TEX14: variants seen among roughly 807,000 people sequenced by gnomAD.
TEX14 encodes the protein inactive serine/threonine-protein kinase TEX14.
In TEX14, 168 loss-of-function variants were observed where a neutral mutation model predicts 178.6. The ratio of observed to expected loss-of-function variants is 0.94; its 90% confidence interval spans 0.83 to 1.07. The LOEUF is 1.07. Ranked by LOEUF, TEX14 falls within the 50% of genes least tolerant of loss-of-function variation. The probability of loss-of-function intolerance (pLI) is 0.00; values close to 1 mark genes in which losing one functional copy is unlikely to be tolerated. For missense variants in TEX14, 1,730 were observed against 1,753.6 expected (o/e 0.99, Z 0.24); for synonymous variants, 626 against 634.1 (o/e 0.99, Z 0.19).
At chr17:58,594,093 A>C (rs1377549199) in intron 14 of TEX14, among the ~76,000 whole-genome samples, 3 of 152,078 alleles carry the variant, frequency 2.0e-5, no homozygotes, top group Non-Finnish European at 2.9e-5. Flanking sequence ...TCGGCCTCCC[A>C]AAGTGCTGGG....
intron 28 of TEX14, among the ~76,000 whole-genome samples, chr17:58,562,888 A>G (rs1384547206): frequency 6.8e-6 from 1 of 146,998 alleles, no homozygotes; most frequent in East Asian, 2.3e-4. Flanking sequence ...TCTGGGCAAC[A>G]TGGCAAAACC....
chr17:58,679,972 C>T (rs1358124542), intron 1 of TEX14, among the ~76,000 whole-genome samples: 5 of 152,166 alleles, frequency 3.3e-5, no homozygotes, highest in East Asian at 3.9e-4. Context: ...CTTGGTGACA[C>T]GACTGAAATA....
intron 6 of TEX14, 87 bp downstream of exon 6, chr17:58,617,451 G>A: frequency 6.5e-6 from 6 of 918,364 alleles, no homozygotes; most frequent in South Asian, 5.8e-5. Flanking sequence ...AGGATAAGGA[G>A]GCAGGAGTTG....
chr17:58,647,205 C>A (rs114183003), intron 2 of TEX14, among the ~76,000 whole-genome samples: 1 of 151,652 alleles, frequency 6.6e-6, no homozygotes, highest in Non-Finnish European at 1.5e-5. Context: ...CAGCCTGGAA[C>A]GGCACAATTA....
intron 28 of TEX14, among the ~76,000 whole-genome samples, 158 bp downstream of exon 28, chr17:58,564,711 G>A (rs1188626351): frequency 5.3e-5 from 8 of 151,926 alleles, no homozygotes; most frequent in Admixed American, 3.9e-4. Flanking sequence ...AAAAAGCAAC[G>A]CTTTTTAAAA....
At chr17:58,658,849 C>T (rs2047024732) in intron 1 of TEX14, among the ~76,000 whole-genome samples, 1 of 151,874 alleles carries the variant, frequency 6.6e-6, no homozygotes, top group African/African-American at 2.4e-5. Context: ...ATCGCTCAGA[C>T]AGGAGTGCAG....
intron 21 of TEX14, among the ~76,000 whole-genome samples, chr17:58,574,930 T>C (rs1212735773): frequency 6.6e-6 from 1 of 152,094 alleles, no homozygotes. Flanking sequence ...CCTCAGCACC[T>C]GTAAGAAGCT....
At chr17:58,666,458 C>CAAACAAAAAAAAA (rs1555583923) in intron 1 of TEX14, 13 of 36,832 alleles carry the variant, frequency 3.5e-4, no homozygotes, top group South Asian at 2.2e-3. Flanking sequence ...CCTTCCACGG[C>CAAACAAAAAAAAA]AAAAAAAAAA....
chr17:58,630,409 A>G (rs756322321), intron 3 of TEX14, 31 bp downstream of exon 3: 10 of 1,503,028 alleles, frequency 6.7e-6, no homozygotes, highest in South Asian at 2.3e-5. Context: ...CACAACCCCT[A>G]TTTTCTAGAC....
At chr17:58,625,173 C>T (rs1053537038) in intron 3 of TEX14, among the ~76,000 whole-genome samples, 5 of 151,976 alleles carry the variant, frequency 3.3e-5, no homozygotes, top group Non-Finnish European at 7.4e-5. Context: ...GCTCTTGTCC[C>T]CCAGGCTGCA....
chr17:58,601,013 C>A (rs775185984), intron 13 of TEX14, among the ~76,000 whole-genome samples: 1 of 151,810 alleles, frequency 6.6e-6, no homozygotes, highest in Non-Finnish European at 1.5e-5. Flanking sequence ...CTTTGGGAGG[C>A]GAAAGTGGGA....
rs912857462 is a variant in TEX14, at chr17:58,659,376, T to C, written c.-1-7374A>G. 5.0e-5 allele frequency: 49 copies of C among 978,674 alleles called. No individual in the cohort carries two copies. The African/African-American group carries it at 8.6e-4, about 17-fold the overall frequency. 60.6% of individuals were successfully genotyped at this position (978,674 alleles called of 1,614,324 possible). A position where few individuals can be genotyped will look rare whatever the true frequency, so the allele number is the denominator to read the frequency against. ...AACATACTCATGGCAAATTGTATTATGAGTTGTTTTTAGGCATCGCTTCGA... is the reference window on the plus strand; with the variant it reads ...AACATACTCATGGCAAATTGTATTACGAGTTGTTTTTAGGCATCGCTTCGA... On this transcript the variant is annotated intron_variant, in intron 1 of 31. Coordinates refer to ENST00000349033, the MANE Select transcript of TEX14 (RefSeq NM_031272.5).
At chr17:58,665,749 GA>G (rs535664133) in intron 1 of TEX14, among the ~76,000 whole-genome samples, 124 of 145,280 alleles carry the variant, frequency 8.5e-4, no homozygotes, top group Middle Eastern at 3.6e-3. Context: ...AAGAAACAAT[GA>G]AAAAAAAAAA....
intron 29 of TEX14, among the ~76,000 whole-genome samples, chr17:58,560,156 C>T (rs1315702923): frequency 1.3e-5 from 2 of 152,160 alleles, no homozygotes; most frequent in African/African-American, 4.8e-5. Flanking sequence ...GTACCTCTAG[C>T]CCCTAGCACA....
chr17:58,668,092 T>C (rs1167264401), intron 1 of TEX14, among the ~76,000 whole-genome samples: 1 of 152,132 alleles, frequency 6.6e-6, no homozygotes, highest in Non-Finnish European at 1.5e-5. Flanking sequence ...CCCCAGGTGA[T>C]ATCTGATCAC....
intron 3 of TEX14, 123 bp from the exon 4 acceptor site, chr17:58,623,135 C>A: frequency 3.9e-6 from 3 of 763,766 alleles, no homozygotes; most frequent in East Asian, 2.8e-5. Context: ...AGGAATATAA[C>A]AACATCATTT....
chr17:58,659,303 C>T (rs918930098), intron 1 of TEX14: 164 of 972,704 alleles, frequency 1.7e-4, no homozygotes, highest in East Asian at 5.7e-4. Flanking sequence ...GCCACAAAGA[C>T]ATTATTTACT....
Position 58,587,623 on chromosome 17 carries a change from A to G in TEX14, c.2746T>C (p.Ser916Pro). 1 of 1,607,916 alleles carries G rather than the reference A, an allele frequency of 6.2e-7. No individual in the cohort carries two copies. The highest frequency in any genetic ancestry group is 8.5e-7 in the Non-Finnish European group (1 of 1,177,880). The change falls in exon 17 of 32, where the codon TCC becomes CCC. Residue 916 changes from serine to proline, a missense_variant. Ser to Pro is a moderately conservative substitution (Grantham distance 74, BLOSUM62 -1). Transcript: ENST00000349033. Reference sequence around the variant, plus strand: ...ACCTTTCCATCATCTTTATTTCTGGACTCTGCATTATAGATTTCAGAAGAA... The same window carrying G: ...ACCTTTCCATCATCTTTATTTCTGGGCTCTGCATTATAGATTTCAGAAGAA... ...PVSSEIYNAE[S>P]RNKDDGKVHL...
chr17:58,614,487 C>T (rs1436283802), intron 8 of TEX14, among the ~76,000 whole-genome samples: 1 of 152,166 alleles, frequency 6.6e-6, no homozygotes, highest in Non-Finnish European at 1.5e-5. Flanking sequence ...GAGACTCAAT[C>T]CTACCCTCCC....
Sources: allele counts gnomAD v4.1 joint callset (sites outside exome capture counted in the v4.1 genomes callset), GRCh38; gene constraint gnomAD v4.1.1; transcripts MANE v1.5; gene names NCBI Gene and HGNC (gene_info 2026-07-23, HGNC 2026-07-21).